SETD5: variants seen among roughly 807,000 people sequenced by gnomAD.
SETD5 encodes histone-lysine N-methyltransferase SETD5.
A neutral mutation model predicts 153.3 loss-of-function variants in SETD5; 44 were observed. That is an observed-to-expected ratio of 0.29 (90% confidence interval 0.23 to 0.37). The LOEUF (loss-of-function observed/expected upper bound fraction) is 0.37, where lower values mean the gene tolerates loss of function less well. Among genes scored for constraint, SETD5 ranks in the 10% least tolerant of loss-of-function variants. SETD5 has a pLI of 1.00. For synonymous variants in SETD5, 716 were observed against 645.2 expected (o/e 1.11, Z -1.66); for missense variants, 1,544 against 1,768.0 (o/e 0.87, Z 2.27).
intron 17 of SETD5, among the ~76,000 whole-genome samples, chr3:9,454,794 G>C (rs2125370939): frequency 6.6e-6 from 1 of 152,182 alleles, no homozygotes; most frequent in Middle Eastern, 3.4e-3. Context: ...AATGTATTTT[G>C]TGACAATCTT....
intron 16 of SETD5, among the ~76,000 whole-genome samples, chr3:9,450,191 T>G (rs1055143899): frequency 4.6e-5 from 7 of 152,238 alleles, no homozygotes; most frequent in African/African-American, 1.7e-4. Flanking sequence ...CTTTTATACT[T>G]GTATCTATAG....
Position 9,423,714 on chromosome 3 carries a change from G to T in SETD5, c.-176-753G>T, listed in dbSNP as rs115506611. Among the ~76,000 whole-genome samples the T allele has an allele frequency of 1.1e-4, 16 of 152,104 alleles. No homozygotes were observed. The South Asian group carries it at 3.3e-3, about 31-fold the overall frequency. ...ACATCAACATAAATGAAATGCATGC[G>T]TTCTAATGCTTGGTAACTGGAATCC... is the stretch of plus-strand genomic sequence containing the variant. On this transcript the variant is annotated intron_variant, in intron 1 of 22. Coordinates refer to ENST00000402198, the MANE Select transcript of SETD5 (RefSeq NM_001080517.3).
chr3:9,423,495 C>A (rs1179812223), intron 1 of SETD5, among the ~76,000 whole-genome samples: 1 of 152,170 alleles, frequency 6.6e-6, no homozygotes, highest in Non-Finnish European at 1.5e-5. Flanking sequence ...TGTACACTCA[C>A]ATCTATTTCG....
chr3:9,447,667 G>T lies in SETD5; in HGVS notation c.1783-19G>T, dbSNP rs754531696. On this transcript the variant is annotated intron_variant, in intron 14 of 22. Transcript: ENST00000402198. ...GATAAAACATTTCTGGTAAGCATCT[G>T]ACCCTACTATTGCTACAGGATATTG... 25 of 1,606,680 alleles carry T rather than the reference G, an allele frequency of 1.6e-5. No individual in the cohort carries two copies. The East Asian group carries it at 4.7e-4, about 30-fold the overall frequency.
chr3:9,442,666 A>G (rs548351960), intron 10 of SETD5, among the ~76,000 whole-genome samples: 7 of 152,316 alleles, frequency 4.6e-5, no homozygotes, highest in African/African-American at 1.2e-4. Flanking sequence ...ACCACATCAA[A>G]TAAAGCAAGA....
Position 9,434,330 on chromosome 3 carries a change from C to T in SETD5, c.178-4C>T. 1 of 1,613,744 alleles carries T rather than the reference C, an allele frequency of 6.2e-7. No homozygotes were observed. The highest frequency in any genetic ancestry group is 8.5e-7 in the Non-Finnish European group (1 of 1,179,686). ...CGACACCTCCTGCTTCTCCCCCTGT[C>T]CAGACGATCATCCCTCGTTCTGACC... On this transcript the variant is annotated splice_region_variant and splice_polypyrimidine_tract_variant and intron_variant, in intron 4 of 22. Coordinates refer to ENST00000402198, the MANE Select transcript of SETD5 (RefSeq NM_001080517.3). This position sits in a 1 kb window ranked among gnomAD's most constrained non-coding sequence, Gnocchi z 5.6.
intron 1 of SETD5, among the ~76,000 whole-genome samples, chr3:9,408,284 A>G (rs1405108282): frequency 6.6e-6 from 1 of 152,164 alleles, no homozygotes; most frequent in African/African-American, 2.4e-5. Flanking sequence ...CCATTTCCAA[A>G]TGAGCAGTTT....
At chr3:9,420,344 C>T (rs1575275283) in intron 1 of SETD5, among the ~76,000 whole-genome samples, 1 of 152,146 alleles carries the variant, frequency 6.6e-6, no homozygotes, top group African/African-American at 2.4e-5. Flanking sequence ...CTCTATAATA[C>T]GCACTAATTA....
At chr3:9,406,286 C>T (rs2035651380) in intron 1 of SETD5, among the ~76,000 whole-genome samples, 2 of 152,030 alleles carry the variant, frequency 1.3e-5, no homozygotes, top group African/African-American at 4.8e-5. Context: ...AAGAGAAGGG[C>T]CTTTGAAGCA....
Position 9,420,941 on chromosome 3 carries a change from G to A in SETD5, c.-176-3526G>A, listed in dbSNP as rs564182245. On this transcript the variant is annotated intron_variant, in intron 1 of 22. Transcript: ENST00000402198. ...TAAAAACAGTGTTTAGCCATATTCA[G>A]GTTATTAGCAGCAGCTCCTCTTTCT... is the stretch of plus-strand genomic sequence containing the variant. Among the ~76,000 whole-genome samples, 3 of 152,010 alleles carry A rather than the reference G, an allele frequency of 2.0e-5. No individual in the cohort carries two copies. In the South Asian group the frequency reaches 6.2e-4, roughly 31 times the overall value.
chr3:9,397,987 C>A lies in SETD5; in HGVS notation c.-177+10C>A, dbSNP rs1029254157. 3 of 152,174 alleles carry A rather than the reference C, an allele frequency of 2.0e-5. No individual in the cohort carries two copies. In the South Asian group the frequency reaches 6.2e-4, roughly 31 times the overall value. 9.4% of individuals were successfully genotyped at this position (152,174 alleles called of 1,614,324 possible). On this transcript the variant is annotated intron_variant, in intron 1 of 22. Coordinates refer to ENST00000402198, the MANE Select transcript of SETD5 (RefSeq NM_001080517.3). ...CAGCGCCTGGGACAAGGTAAGGGTC[C>A]GACAGAAAAGAGACCGAACCTCACG...
chr3:9,399,620 A>G (rs2034417687), intron 1 of SETD5, among the ~76,000 whole-genome samples: 1 of 152,218 alleles, frequency 6.6e-6, no homozygotes, highest in Non-Finnish European at 1.5e-5. Flanking sequence ...GCAAATTTAA[A>G]TTAGATTGTA....
At chr3:9,459,413 A>ATT (rs1397473394) in intron 17 of SETD5, among the ~76,000 whole-genome samples, 13 of 152,096 alleles carry the variant, frequency 8.5e-5, no homozygotes, top group Admixed American at 4.6e-4. Context: ...TACCCCCAAA[A>ATT]ACAGCGTAGT....
chr3:9,448,441 T>C lies in SETD5; in HGVS notation c.2157T>C (p.Val719=), dbSNP rs751080341. Residue 719 remains valine, a synonymous_variant, in exon 16 of 23, where the codon GTT becomes GTC. Coordinates refer to ENST00000402198, the MANE Select transcript of SETD5 (RefSeq NM_001080517.3). ...AAGCAGAGAAGCAAGAGTGCCCTGTTGAGTGCCCTTTACGTATCACAACGG... is the reference window on the plus strand; with the variant it reads ...AAGCAGAGAAGCAAGAGTGCCCTGTCGAGTGCCCTTTACGTATCACAACGG... ...NDKAEKQECP[V]ECPLRITTDP... The C allele has an allele frequency of 2.5e-6, 4 of 1,614,026 alleles. No homozygotes were observed. Among genetic ancestry groups the C allele is most frequent in the Non-Finnish European group, 3.4e-6 (4 of 1,179,876 alleles).
At position 9,476,323 on chromosome 3, in the gene SETD5, A is replaced by G. The variant is rs2045849659; in HGVS notation, c.*232A>G. On this transcript the variant is annotated 3_prime_UTR_variant, in exon 23 of 23. Transcript: ENST00000402198. ...ATAAAGAAGTTTCTCCCTGCTGTCA[A>G]GGGTACATTGTTGACAAGCAAATGG... The G allele has an allele frequency of 5.3e-6, 3 of 561,920 alleles. No individual in the cohort carries two copies. The highest frequency in any genetic ancestry group is 2.3e-5 in the South Asian group (1 of 43,510). 34.8% of individuals were successfully genotyped at this position (561,920 alleles called of 1,614,324 possible).
rs2045892204 is a variant in SETD5, at chr3:9,477,062, G to T, written c.*971G>T. 1 of 152,640 alleles carries T rather than the reference G, an allele frequency of 6.6e-6. No homozygotes were observed. Among genetic ancestry groups the T allele is most frequent in the Non-Finnish European group, 1.5e-5 (1 of 68,040 alleles). The allele number at this position is 152,640 out of a possible 1,614,324, so 9.5% of individuals were successfully genotyped here. On this transcript the variant is annotated 3_prime_UTR_variant, in exon 23 of 23. Coordinates refer to ENST00000402198, the MANE Select transcript of SETD5 (RefSeq NM_001080517.3). Reference sequence around the variant, plus strand: ...CCATGATTGGGGAGCATGCACTTGTGACTGCAGGGTAAGAGTGGGAAGATA... The same window carrying T: ...CCATGATTGGGGAGCATGCACTTGTTACTGCAGGGTAAGAGTGGGAAGATA...
rs1246406936 is a variant in SETD5, at chr3:9,475,679, T to C, written c.3917T>C (p.Val1306Ala). Residue 1306 changes from valine (V) to alanine (A), a missense_variant, in exon 23 of 23, where the codon GTG becomes GCG. Physicochemically the swap from Val to Ala is moderately conservative, Grantham distance 64. Transcript: ENST00000402198. The stretch of plus-strand genomic sequence containing the variant: ...TCCTATTCCAGCCCCGCCCACCCTG[T>C]GTCCACAGACTCGTTGGCCCCATTT... ...STSYSSPAHP[V>A]STDSLAPFTG... The C allele has an allele frequency of 1.9e-6, 3 of 1,613,990 alleles. No individual in the cohort carries two copies. Among genetic ancestry groups the C allele is most frequent in the East Asian group, 4.5e-5 (2 of 44,868 alleles).
At position 9,434,731 on chromosome 3, in the gene SETD5, G is replaced by A. The variant is rs2040353326; in HGVS notation, c.330-93G>A. The A allele has an allele frequency of 9.5e-6, 14 of 1,479,784 alleles. No individual in the cohort carries two copies. The South Asian group carries it at 1.8e-4, about 19-fold the overall frequency. The allele number at this position is 1,479,784 out of a possible 1,614,324, so 91.7% of individuals were successfully genotyped here. ...GAAACATTTGGTAGGTGGGAGGGAG[G>A]GGGTAGCATATGCAGAGACACTTCG... On this transcript the variant is annotated intron_variant, in intron 5 of 22. Coordinates refer to ENST00000402198, the MANE Select transcript of SETD5 (RefSeq NM_001080517.3). This position sits in a 1 kb window ranked among gnomAD's most constrained non-coding sequence, Gnocchi z 5.6.
chr3:9,447,335 A>T, intron 14 of SETD5, 28 bp downstream of exon 14: 1 of 1,591,860 alleles, frequency 6.3e-7, no homozygotes, highest in Non-Finnish European at 8.5e-7. Flanking sequence ...TTCAGCACTT[A>T]GACATCCTCA....
Sources: allele counts gnomAD v4.1 joint callset (sites outside exome capture counted in the v4.1 genomes callset), GRCh38; gene constraint gnomAD v4.1.1; non-coding constraint Gnocchi (gnomAD v3.1); transcripts MANE v1.5; gene names NCBI Gene and HGNC (gene_info 2026-07-23, HGNC 2026-07-21).